TTLL11: variants seen among roughly 807,000 people sequenced by gnomAD.
The protein encoded by TTLL11 is tubulin tyrosine ligase like 11, also known as tubulin polyglutamylase TTLL11.
A neutral mutation model predicts 51.7 loss-of-function variants in TTLL11; 42 were observed. That is an observed-to-expected ratio of 0.81 (90% CI 0.64 to 1.05). The LOEUF (loss-of-function observed/expected upper bound fraction) is 1.05, where lower values mean the gene tolerates loss of function less well. TTLL11 is among the 50% of genes least tolerant of loss of function. The pLI is 0.00. For missense variants in TTLL11, 799 were observed against 940.4 expected (o/e 0.85, Z 1.97); for synonymous variants, 381 against 383.5 (o/e 0.99, Z 0.08).
At chr9:122,038,995 G>C (rs928336403) in intron 2 of TTLL11, among the ~76,000 whole-genome samples, 1 of 152,032 alleles carries the variant, frequency 6.6e-6, no homozygotes, top group African/African-American at 2.4e-5. Context: ...TTCATTTTCA[G>C]AATATATTCC....
chr9:122,038,649 A>T (rs1312054358), intron 2 of TTLL11, among the ~76,000 whole-genome samples: 2 of 152,222 alleles, frequency 1.3e-5, no homozygotes, highest in Non-Finnish European at 2.9e-5. Context: ...ACTCCATCTC[A>T]GAAAAGTGGT....
At chr9:121,969,355 G>T (rs1014110935) in intron 6 of TTLL11, among the ~76,000 whole-genome samples, 1 of 152,100 alleles carries the variant, frequency 6.6e-6, no homozygotes, top group Non-Finnish European at 1.5e-5. Flanking sequence ...GCAGAGTCAA[G>T]TTCTTCCCCC....
At chr9:121,871,597 C>T (rs1011438656) in intron 6 of TTLL11, among the ~76,000 whole-genome samples, 3 of 152,294 alleles carry the variant, frequency 2.0e-5, no homozygotes, top group African/African-American at 7.2e-5. Flanking sequence ...ATAGATCCAT[C>T]CTTCAAACTG....
intron 6 of TTLL11, among the ~76,000 whole-genome samples, chr9:121,905,229 A>C (rs1839901681): frequency 6.6e-6 from 1 of 152,202 alleles, no homozygotes; most frequent in South Asian, 2.1e-4. Flanking sequence ...TAATCTCACT[A>C]TCCAGAAATT....
At chr9:122,039,168 T>C (rs1844776831) in intron 2 of TTLL11, 104 bp downstream of exon 2, 4 of 918,308 alleles carry the variant, frequency 4.4e-6, no homozygotes, top group Admixed American at 4.5e-5. Context: ...CAATTAAGAG[T>C]CCTCAAATCT....
At chr9:122,003,193 C>T (rs1319780532) in intron 3 of TTLL11, among the ~76,000 whole-genome samples, 1 of 152,102 alleles carries the variant, frequency 6.6e-6, no homozygotes, top group East Asian at 1.9e-4. Context: ...TCAATATCTT[C>T]ATCTGTCAAA....
chr9:121,957,111 C>T (rs369881733), intron 6 of TTLL11, among the ~76,000 whole-genome samples: 46 of 152,320 alleles, frequency 3.0e-4, no homozygotes, highest in African/African-American at 1.0e-3. Context: ...GACTCCATGG[C>T]TAAGGCCTCG....
At chr9:122,007,470 C>A (rs1241086058) in intron 3 of TTLL11, among the ~76,000 whole-genome samples, 2 of 121,386 alleles carry the variant, frequency 1.6e-5, no homozygotes, top group Admixed American at 9.2e-5. Context: ...AGTGAAATTC[C>A]ATCTCAAAAA....
At chr9:122,020,082 A>C (rs1305377863) in intron 3 of TTLL11, among the ~76,000 whole-genome samples, 4 of 152,326 alleles carry the variant, frequency 2.6e-5, no homozygotes, top group Admixed American at 1.3e-4. Context: ...GCAGCATGAA[A>C]GCAAACTAAT....
At chr9:121,889,289 G>T (rs995791753) in intron 6 of TTLL11, among the ~76,000 whole-genome samples, 3 of 152,192 alleles carry the variant, frequency 2.0e-5, no homozygotes, top group African/African-American at 7.2e-5. Context: ...GGAGGTGCAC[G>T]AGGAGCTCTG....
In TTLL11 at chr9:121,829,812, CACCA is replaced by C. The variant is rs995949743; in HGVS notation, c.1841-6937_1841-6934del. ...ACACACACACACACACACACACACA[CACCA>C]CACACACACACAATTTTAAAAATAC... On this transcript the variant is annotated intron_variant, in intron 8 of 8. Coordinates refer to ENST00000321582, the MANE Select transcript of TTLL11 (RefSeq NM_001139442.2). Among the ~76,000 whole-genome samples the C allele has an allele frequency of 6.9e-5, 10 of 145,452 alleles. No individual in the cohort carries two copies. In the East Asian group the frequency reaches 8.4e-4, roughly 12 times the overall value.
At chr9:122,034,131 T>C (rs775460894) in intron 2 of TTLL11, among the ~76,000 whole-genome samples, 1 of 152,182 alleles carries the variant, frequency 6.6e-6, no homozygotes, top group African/African-American at 2.4e-5. Context: ...CCTGACCAAA[T>C]AGTGTTGTGG....
intron 6 of TTLL11, among the ~76,000 whole-genome samples, chr9:121,897,914 T>A (rs530707894): frequency 3.4e-4 from 50 of 148,204 alleles, no homozygotes; most frequent in African/African-American, 1.2e-3. Flanking sequence ...TCCCTCTCTT[T>A]CTTCTATTCT....
chr9:121,970,851 A>G (rs1351025405), intron 6 of TTLL11, among the ~76,000 whole-genome samples: 2 of 152,272 alleles, frequency 1.3e-5, no homozygotes, highest in Non-Finnish European at 2.9e-5. Context: ...ATTACTGGGT[A>G]TATACCCAAA....
At chr9:121,859,331 A>G (rs1206246389) in intron 8 of TTLL11, among the ~76,000 whole-genome samples, 1 of 11,458 alleles carries the variant, frequency 8.7e-5, no homozygotes, top group East Asian at 4.5e-3. Flanking sequence ...TCTCTACTGA[A>G]AAAAAAAAAA....
At position 121,893,644 on chromosome 9, in the gene TTLL11, T is replaced by C. The variant is rs111819973; in HGVS notation, c.1482-22896A>G. 8.8e-4 allele frequency among the ~76,000 whole-genome samples: 134 copies of C among 152,272 alleles called. 1 individual carries two copies. The highest frequency in any genetic ancestry group is 3.0e-3 in the African/African-American group (124 of 41,554). On this transcript the variant is annotated intron_variant, in intron 6 of 8. Transcript: ENST00000321582. ...TAACAAGGAAGAACTGGGGATAGTT[T>C]AATTACCTCTACGTCTGCTATCCCA... is the stretch of plus-strand genomic sequence containing the variant.
chr9:122,009,204 T>A (rs1843732303), intron 3 of TTLL11, among the ~76,000 whole-genome samples: 1 of 152,162 alleles, frequency 6.6e-6, no homozygotes. Context: ...CAAACAAAAA[T>A]GATATATATG....
intron 6 of TTLL11, among the ~76,000 whole-genome samples, chr9:121,894,980 A>G (rs1483477947): frequency 7.7e-6 from 1 of 129,414 alleles, no homozygotes; most frequent in Admixed American, 8.6e-5. Flanking sequence ...ATGGTTGAGA[A>G]GAAAAGTCAG....
intron 6 of TTLL11, among the ~76,000 whole-genome samples, chr9:121,960,742 A>G (rs1842194990): frequency 1.3e-5 from 2 of 152,112 alleles, no homozygotes; most frequent in African/African-American, 4.8e-5. Flanking sequence ...AGTCCGGGGG[A>G]AGAAAATGAT....
Sources: gnomAD v4.1 joint callset for allele counts (sites outside exome capture counted in the v4.1 genomes callset) on GRCh38, gnomAD v4.1.1 for gene constraint, MANE v1.5 for transcripts, NCBI Gene and HGNC (gene_info 2026-07-23, HGNC 2026-07-21) for gene names.